The following PNPLA7 variants were observed in gnomAD, a reference collection of about 807,000 sequenced individuals.
PNPLA7 encodes patatin like domain 7, lysophospholipase.
In PNPLA7, 153 loss-of-function variants were observed where a neutral mutation model predicts 161.7. The ratio of observed to expected loss-of-function variants is 0.95; its 90% CI spans 0.83 to 1.08. The LOEUF (loss-of-function observed/expected upper bound fraction) is 1.08, where lower values mean the gene tolerates loss of function less well. Among genes scored for constraint, PNPLA7 ranks in the 50% least tolerant of loss-of-function variants. The pLI is 0.00. For missense variants in PNPLA7, 1,739 were observed against 1,856.6 expected (o/e 0.94, Z 1.16); for synonymous variants, 809 against 782.1 (o/e 1.03, Z -0.57).
chr9:137,496,780 G>A (rs937308956), intron 18 of PNPLA7, among the ~76,000 whole-genome samples: 5 of 152,194 alleles, frequency 3.3e-5, no homozygotes, highest in African/African-American at 1.2e-4. Context: ...TGGCACCTTG[G>A]AGCTGGGCAG....
At chr9:137,544,840 G>C (rs912158471) in intron 4 of PNPLA7, among the ~76,000 whole-genome samples, 5 of 152,110 alleles carry the variant, frequency 3.3e-5, no homozygotes, top group African/African-American at 4.8e-5. Context: ...AGTAGAGACA[G>C]GGTTTCGCCA....
chr9:137,497,962 G>C, intron 17 of PNPLA7, 152 bp downstream of exon 17: 1 of 1,226,376 alleles, frequency 8.2e-7, no homozygotes, highest in Non-Finnish European at 1.1e-6. Context: ...TCCGAGCTAA[G>C]CTGGGGTGGG....
At chr9:137,462,602 C>T in intron 30 of PNPLA7, 83 bp downstream of exon 30, 1 of 1,537,746 alleles carries the variant, frequency 6.5e-7, no homozygotes, top group Non-Finnish European at 8.8e-7. Context: ...CCAGGAGCGA[C>T]CCCCACTCCC....
chr9:137,498,393 G>T, intron 16 of PNPLA7, 148 bp from the exon 17 acceptor site: 1 of 1,191,544 alleles, frequency 8.4e-7, no homozygotes, highest in Non-Finnish European at 1.2e-6. Flanking sequence ...GACGGGGCAC[G>T]CACCAGTCAG....
Position 137,471,693 on chromosome 9 carries a change from A to G in PNPLA7, c.2883-4220T>C, listed in dbSNP as rs181533230. On this transcript the variant is annotated intron_variant, in intron 25 of 34. Coordinates refer to ENST00000406427, the MANE Select transcript of PNPLA7 (RefSeq NM_001098537.3). ...AACAAAAGATGTGCAAGACCTCTAC[A>G]CTGAAGACCGCAAATCATGGCTGAT... Among the ~76,000 whole-genome samples the G allele has an allele frequency of 1.6e-3, 238 of 152,044 alleles. 8 individuals carry two copies. Among genetic ancestry groups the G allele is most frequent in the Admixed American group, 0.015 (235 of 15,244 alleles).
At position 137,521,734 on chromosome 9, in the gene PNPLA7, C is replaced by T; in HGVS notation, c.877-18G>A. The T allele has an allele frequency of 1.2e-6, 2 of 1,605,652 alleles. No homozygotes were observed. Among genetic ancestry groups the T allele is most frequent in the East Asian group, 2.2e-5 (1 of 44,748 alleles). The stretch of plus-strand genomic sequence containing the variant: ...ATGATGATCTGCAAGAACACGCCAG[C>T]TGCGCGGTGACCACCGGCCTGGGGT... On this transcript the variant is annotated intron_variant, in intron 9 of 34. Coordinates refer to ENST00000406427, the MANE Select transcript of PNPLA7 (RefSeq NM_001098537.3).
intron 25 of PNPLA7, among the ~76,000 whole-genome samples, chr9:137,469,797 G>A (rs1831633159): frequency 6.6e-6 from 1 of 152,162 alleles, no homozygotes; most frequent in African/African-American, 2.4e-5. Context: ...GGGTGAAGCC[G>A]ATCAAGGAAA....
chr9:137,461,658 AC>A (rs1564275920), intron 32 of PNPLA7, 38 bp from the exon 33 acceptor site: 3 of 1,484,632 alleles, frequency 2.0e-6, no homozygotes, highest in Admixed American at 2.0e-5. Context: ...GCCTGTGGAC[AC>A]CCGCCTGCCA....
At position 137,479,137 on chromosome 9, in the gene PNPLA7, G is replaced by A; in HGVS notation, c.2682C>T (p.Leu894=). Residue 894 remains leucine (L), a synonymous_variant, in exon 24 of 35, where the codon CTC becomes CTT. Coordinates refer to ENST00000406427, the MANE Select transcript of PNPLA7 (RefSeq NM_001098537.3). ...GPAPARTVEW[L]NMRSWCSGHL... ...GGCCGGAGCACCAGCTCCGCATGTT[G>A]AGCCACTCCACGGTGCGCGCTGGCG... 1 of 1,594,302 alleles carries A rather than the reference G, an allele frequency of 6.3e-7. No individual in the cohort carries two copies. The highest frequency in any genetic ancestry group is 8.5e-7 in the Non-Finnish European group (1 of 1,171,846).
rs1588554722 is a variant in PNPLA7 at position 137,476,792 on chromosome 9, T to C, written c.2882+1242A>G. ...CCCACAGAAAGAGACTTGGGTCCTG[T>C]CCCCAGCCTGGCAACCTCAGGCAAG... On this transcript the variant is annotated intron_variant, in intron 25 of 34. Transcript: ENST00000406427. The surrounding 1 kb of genome is among the most constrained non-coding windows in gnomAD (Gnocchi z 4.5). Among the ~76,000 whole-genome samples, 1 of 152,176 alleles carries C rather than the reference T, an allele frequency of 6.6e-6. No individual in the cohort carries two copies. The highest frequency in any genetic ancestry group is 1.5e-5 in the Non-Finnish European group (1 of 68,028).
intron 29 of PNPLA7, 164 bp from the exon 30 acceptor site, chr9:137,462,997 C>T: frequency 2.1e-6 from 2 of 946,564 alleles, no homozygotes; most frequent in Non-Finnish European, 3.1e-6. Flanking sequence ...CGATGGGCAG[C>T]TGTGGGCACA....
intron 17 of PNPLA7, among the ~76,000 whole-genome samples, chr9:137,497,539 A>T (rs1259720484): frequency 1.3e-5 from 2 of 152,078 alleles, no homozygotes; most frequent in Admixed American, 6.5e-5. Flanking sequence ...TATTATTATT[A>T]TTTTTTGAGA....
chr9:137,497,807 G>A (rs927029674), intron 17 of PNPLA7, among the ~76,000 whole-genome samples: 8 of 152,380 alleles, frequency 5.3e-5, no homozygotes, highest in African/African-American at 1.2e-4. Context: ...GATGACACGC[G>A]TGAGCCACCA....
rs1488595801 is a variant in PNPLA7 at position 137,460,702 on chromosome 9, G to T, written c.3877C>A (p.Leu1293Met). 1.2e-6 allele frequency: 2 copies of T among 1,612,854 alleles called. No homozygotes were observed. The highest frequency in any genetic ancestry group is 8.5e-7 in the Non-Finnish European group (1 of 1,179,926). ...TATGCATCCCTGGGGACGTCCAGCA[G>T]CTCCTCCTCGTACTCCGTCTGGTAG... is the stretch of plus-strand genomic sequence containing the variant. ...SDYQTEYEEE[L>M]LDVPRDAYAD... The change falls in exon 34 of 35, where the codon CTG (leucine) becomes ATG (methionine). Residue 1293 changes from leucine to methionine, a missense_variant. Transcript: ENST00000406427.
intron 14 of PNPLA7, among the ~76,000 whole-genome samples, chr9:137,504,534 G>C (rs943987177): frequency 6.6e-5 from 10 of 152,162 alleles, no homozygotes; most frequent in Non-Finnish European, 1.5e-4. Flanking sequence ...TTAAGAGATA[G>C]ATCAGCCCAC....
rs1564346897 is a variant in PNPLA7 at position 137,520,163 on chromosome 9, C to CCTCAAAGGTGTGACAGGTGTGGGACT, written c.958-146_958-121dup. 3 of 1,408,184 alleles carry CCTCAAAGGTGTGACAGGTGTGGGACT rather than the reference C, an allele frequency of 2.1e-6. No individual in the cohort carries two copies. The highest frequency in any genetic ancestry group is 2.9e-5 in the African/African-American group (2 of 69,046). The allele number at this position is 1,408,184 out of a possible 1,614,324, so 87.2% of individuals were successfully genotyped here. On this transcript the variant is annotated intron_variant, in intron 10 of 34. Coordinates refer to ENST00000406427, the MANE Select transcript of PNPLA7 (RefSeq NM_001098537.3). This position sits in a 1 kb window ranked among gnomAD's most constrained non-coding sequence, Gnocchi z 5.2. The stretch of plus-strand genomic sequence containing the variant: ...CTCAAAGGTGTGACAGGTGTGGGCC[C>CCTCAAAGGTGTGACAGGTGTGGGACT]CTCAAAGGTGTGACAGGTGTGGGAC...
intron 18 of PNPLA7, among the ~76,000 whole-genome samples, chr9:137,496,528 A>G (rs1046657838): frequency 1.3e-5 from 2 of 151,668 alleles, no homozygotes; most frequent in Non-Finnish European, 2.9e-5. Flanking sequence ...CCTGACCAAC[A>G]TGGAGAAACC....
At chr9:137,482,535 A>G (rs1832270269) in intron 21 of PNPLA7, among the ~76,000 whole-genome samples, 1 of 152,238 alleles carries the variant, frequency 6.6e-6, no homozygotes, top group African/African-American at 2.4e-5. Flanking sequence ...ACAAAATTAT[A>G]GAGATCGAGA....
Position 137,480,994 on chromosome 9 carries a change from T to C in PNPLA7, c.2377A>G (p.Ile793Val). The C allele has an allele frequency of 1.3e-6, 2 of 1,551,674 alleles. No individual in the cohort carries two copies. The highest frequency in any genetic ancestry group is 1.7e-6 in the Non-Finnish European group (2 of 1,146,970). The change falls in exon 22 of 35, where the codon ATA becomes GTA. Residue 793 changes from isoleucine to valine, a missense_variant. Coordinates refer to ENST00000406427, the MANE Select transcript of PNPLA7 (RefSeq NM_001098537.3). ...GCAGCGGAGCCAAGGCGCCGTTTTA[T>C]GTTGTCACTAGTCAGCAGCAGGGTC... ...GPTLLLTSDN[I>V]KRRLGSAALD...
Sources: allele counts gnomAD v4.1 joint callset (sites outside exome capture counted in the v4.1 genomes callset), GRCh38; gene constraint gnomAD v4.1.1; non-coding constraint Gnocchi (gnomAD v3.1); transcripts MANE v1.5; gene names NCBI Gene and HGNC (gene_info 2026-07-23, HGNC 2026-07-21).